The following NME7 variants were observed in gnomAD, a reference collection of about 807,000 sequenced individuals.
The protein encoded by NME7 is nucleoside diphosphate kinase 7.
In NME7, 41 loss-of-function variants were observed where a neutral mutation model predicts 49.1. The observed-to-expected ratio is 0.83, with a 90% CI of 0.65 to 1.08. The LOEUF is 1.08. Among genes scored for constraint, NME7 ranks in the 50% least tolerant of loss-of-function variants. The pLI, the probability that NME7 is intolerant of heterozygous loss-of-function variation, is 0.00. For synonymous variants in NME7, 139 were observed against 150.6 expected, an observed-to-expected ratio of 0.92 and a Z score of 0.56; for missense variants, 423 against 463.4, an observed-to-expected ratio of 0.91 and a Z score of 0.80.
chr1:169,348,896 C>CAAAAA (rs34701797), intron 1 of NME7, among the ~76,000 whole-genome samples: 1 of 147,350 alleles, frequency 6.8e-6, no homozygotes, highest in Non-Finnish European at 1.5e-5. Context: ...AGAGTTAACT[C>CAAAAA]AAAAAAAAAA....
chr1:169,305,273 T>C (rs1010952007), intron 4 of NME7, among the ~76,000 whole-genome samples: 8 of 152,216 alleles, frequency 5.3e-5, no homozygotes, highest in Non-Finnish European at 1.2e-4. Flanking sequence ...TTATGTTTTG[T>C]TGTGTTTTTA....
At chr1:169,231,783 C>T (rs186565780) in intron 9 of NME7, among the ~76,000 whole-genome samples, 31 of 152,152 alleles carry the variant, frequency 2.0e-4, no homozygotes, top group South Asian at 6.2e-4. Context: ...TAAATTAGCC[C>T]TAGATTGTAA....
intron 10 of NME7, among the ~76,000 whole-genome samples, chr1:169,226,385 T>C (rs1031333283): frequency 1.3e-5 from 2 of 152,102 alleles, no homozygotes; most frequent in African/African-American, 4.8e-5. Flanking sequence ...GCATTCAATA[T>C]CCATTTGTTG....
At chr1:169,296,798 C>T (rs1483866174) in intron 6 of NME7, among the ~76,000 whole-genome samples, 1 of 152,108 alleles carries the variant, frequency 6.6e-6, no homozygotes, top group African/African-American at 2.4e-5. Flanking sequence ...TCATACTCTA[C>T]ATTCAATCTA....
intron 11 of NME7, among the ~76,000 whole-genome samples, chr1:169,139,092 G>T (rs1243606593): frequency 1.3e-5 from 2 of 152,238 alleles, no homozygotes; most frequent in East Asian, 3.9e-4. Flanking sequence ...GATTAAAAAG[G>T]TATTCTCTGA....
chr1:169,190,762 G>A, intron 10 of NME7: 1 of 351,954 alleles, frequency 2.8e-6, no homozygotes, highest in Admixed American at 3.9e-5. Flanking sequence ...AAATAAATAT[G>A]GCATTTATCA....
intron 10 of NME7, among the ~76,000 whole-genome samples, chr1:169,192,408 A>G (rs1392614329): frequency 1.3e-5 from 2 of 152,200 alleles, no homozygotes; most frequent in African/African-American, 2.4e-5. Context: ...TGAACAATAT[A>G]GTATAACAAA....
At chr1:169,180,297 C>T (rs536034430) in intron 10 of NME7, among the ~76,000 whole-genome samples, 8 of 152,344 alleles carry the variant, frequency 5.3e-5, no homozygotes, top group African/African-American at 7.2e-5. Flanking sequence ...CAATGAGGCA[C>T]TTATATAGTA....
At position 169,318,979 on chromosome 1, in the gene NME7, T is replaced by C. The variant is rs3766093; in HGVS notation, c.278+4138A>G. 2.3e-3 allele frequency among the ~76,000 whole-genome samples: 344 copies of C among 152,174 alleles called. 6 individuals carry two copies. Among genetic ancestry groups the C allele is most frequent in the Admixed American group, 0.018 (276 of 15,272 alleles). On this transcript the variant is annotated intron_variant, in intron 3 of 11. Transcript: ENST00000367811. ...TAAACTTAATTTATTCCAGTTGGGA[T>C]GGAAGAACAGAAGAGGTACATTTTT...
intron 1 of NME7, among the ~76,000 whole-genome samples, chr1:169,354,617 C>T (rs920577078): frequency 6.7e-6 from 1 of 148,836 alleles, no homozygotes. Flanking sequence ...CATGCCTGTA[C>T]CAAAATATCT....
rs1156907028 is a variant in NME7 at position 169,255,970 on chromosome 1, G to A, written c.755-18283C>T. Among the ~76,000 whole-genome samples, 2 of 132,784 alleles carry A rather than the reference G, an allele frequency of 1.5e-5. 1 individual carries two copies. Among genetic ancestry groups the A allele is most frequent in the Non-Finnish European group, 3.5e-5 (2 of 56,642 alleles). The allele number at this position is 132,784 out of a possible 152,430, so 87.1% of individuals were successfully genotyped here. A position where few individuals can be genotyped will look rare whatever the true frequency, so the allele number is the denominator to read the frequency against. ...ATGGGCTTTCCTTTGAGGGTAACCC[G>A]ACCTTTCTCTCTGGCTGCCCTTAAC... is the stretch of plus-strand genomic sequence containing the variant. On this transcript the variant is annotated intron_variant, in intron 7 of 11. Coordinates refer to ENST00000367811, the MANE Select transcript of NME7 (RefSeq NM_013330.5).
chr1:169,203,121 G>A (rs1300276194), intron 10 of NME7, among the ~76,000 whole-genome samples: 1 of 152,120 alleles, frequency 6.6e-6, no homozygotes, highest in Admixed American at 6.5e-5. Context: ...GCCCAGTCAG[G>A]CTTGCAATGG....
At chr1:169,234,415 T>C (rs1384823285) in intron 9 of NME7, among the ~76,000 whole-genome samples, 2 of 152,148 alleles carry the variant, frequency 1.3e-5, no homozygotes, top group Admixed American at 1.3e-4. Context: ...TTTATGACTG[T>C]ACATGTTGAA....
intron 4 of NME7, among the ~76,000 whole-genome samples, chr1:169,308,530 A>G (rs200174894): frequency 7.2e-4 from 110 of 152,286 alleles, no homozygotes; most frequent in Admixed American, 5.6e-3. Flanking sequence ...CCAGGAAACA[A>G]AGGCCTCTGT....
At chr1:169,159,000 G>A (rs1424550289) in intron 11 of NME7, among the ~76,000 whole-genome samples, 1 of 152,096 alleles carries the variant, frequency 6.6e-6, no homozygotes, top group Non-Finnish European at 1.5e-5. Flanking sequence ...TTTTGCTAGT[G>A]GGAGCAATGT....
chr1:169,248,540 C>T (rs11584076), intron 7 of NME7, among the ~76,000 whole-genome samples: 4,852 of 151,914 alleles, frequency 0.032, 93 homozygotes, highest in South Asian at 0.057. Flanking sequence ...GTCCTACTCA[C>T]GAATTATTTG....
At chr1:169,169,598 G>T in intron 10 of NME7, 44 bp from the exon 11 acceptor site, 1 of 1,535,478 alleles carries the variant, frequency 6.5e-7, no homozygotes, top group Non-Finnish European at 9.0e-7. Flanking sequence ...TAGTCATATG[G>T]TATAAATAAG....
chr1:169,150,763 G>GAAAAAAAAAAA (rs10689301), intron 11 of NME7, among the ~76,000 whole-genome samples: 2 of 124,332 alleles, frequency 1.6e-5, no homozygotes, highest in East Asian at 2.4e-4. Flanking sequence ...GCTGGAAAAG[G>GAAAAAAAAAAA]AAAAAAAAAA....
chr1:169,212,036 T>C (rs998589676), intron 10 of NME7, among the ~76,000 whole-genome samples: 13 of 152,126 alleles, frequency 8.5e-5, no homozygotes. Flanking sequence ...AATTTGGGGA[T>C]TGAGCATTAT....
Sources: allele counts gnomAD v4.1 joint callset (sites outside exome capture counted in the v4.1 genomes callset), GRCh38; gene constraint gnomAD v4.1.1; transcripts MANE v1.5; gene names NCBI Gene and HGNC (gene_info 2026-07-23, HGNC 2026-07-21).